Variants in BSN observed in about 807,000 individuals in gnomAD.
The protein encoded by BSN is bassoon presynaptic cytomatrix protein.
BSN carries 57 observed loss-of-function variants against 264.8 expected under a neutral mutation model. That is an observed-to-expected ratio of 0.22 (90% CI 0.17 to 0.27). The LOEUF (loss-of-function observed/expected upper bound fraction) is 0.27. Among genes scored for constraint, BSN ranks in the 10% least tolerant of loss-of-function variants. The pLI, the probability that BSN is intolerant of heterozygous loss-of-function variation, is 1.00. For synonymous variants in BSN, 2,059 were observed against 2,137.3 expected (o/e 0.96, Z 1.01); for missense variants, 4,615 against 5,232.5 (o/e 0.88, Z 3.64).
At chr3:49,601,366 T>G (rs1014844785) in intron 1 of BSN, among the ~76,000 whole-genome samples, 1 of 152,230 alleles carries the variant, frequency 6.6e-6, no homozygotes. Context: ...AAGGAGGTTC[T>G]TGTACTTCTG....
chr3:49,617,283 T>TTATATATATATATATATATATTTATA (rs2052267179), intron 1 of BSN, among the ~76,000 whole-genome samples: 13 of 122,058 alleles, frequency 1.1e-4, no homozygotes, highest in Admixed American at 3.9e-4. Context: ...ATAAAATACA[T>TTATATATATATATATATATATTTATA]TATATATATA....
chr3:49,580,512 G>T (rs1435236010), intron 1 of BSN, among the ~76,000 whole-genome samples: 1 of 151,868 alleles, frequency 6.6e-6, no homozygotes, highest in Non-Finnish European at 1.5e-5. Context: ...ACGCACTGCA[G>T]CCTCAGCCTC....
intron 2 of BSN, among the ~76,000 whole-genome samples, chr3:49,626,107 G>A (rs770994192): frequency 1.3e-5 from 2 of 152,228 alleles, no homozygotes; most frequent in Non-Finnish European, 2.9e-5. Flanking sequence ...TGGGTCCACA[G>A]CCCCAGCCTG....
chr3:49,581,639 C>T (rs1020439590), intron 1 of BSN, among the ~76,000 whole-genome samples: 6 of 152,004 alleles, frequency 3.9e-5, no homozygotes, highest in African/African-American at 1.5e-4. Flanking sequence ...TCCTGGCCAA[C>T]ATGGTGAAAC....
At chr3:49,605,658 TATAA>T (rs2052124512) in intron 1 of BSN, among the ~76,000 whole-genome samples, 1 of 45,496 alleles carries the variant, frequency 2.2e-5, no homozygotes, top group Non-Finnish European at 3.7e-5. Context: ...ATATATTATA[TATAA>T]TATATATTAC....
At chr3:49,605,740 AAT>A (rs369849874) in intron 1 of BSN, among the ~76,000 whole-genome samples, 2 of 68,254 alleles carry the variant, frequency 2.9e-5, no homozygotes, top group South Asian at 5.4e-4. Context: ...ATAATATATA[AAT>A]ATATATAATA....
chr3:49,657,405 G>A lies in BSN; in HGVS notation c.7849G>A (p.Glu2617Lys), dbSNP rs375612033. 3.7e-6 allele frequency: 6 copies of A among 1,613,104 alleles called. No homozygotes were observed. Among genetic ancestry groups the A allele is most frequent in the Non-Finnish European group, 5.1e-6 (6 of 1,180,032 alleles). Residue 2617 changes from glutamate to lysine, a missense_variant, in exon 5 of 12, where the codon GAA becomes AAA. Coordinates refer to ENST00000296452, the MANE Select transcript of BSN (RefSeq NM_003458.4). ...TGACTGCAGTGTGCAGACGGACGACGAAGACAGTGCTGAGTGGGAGCAGCC... is the reference window on the plus strand; with the variant it reads ...TGACTGCAGTGTGCAGACGGACGACAAAGACAGTGCTGAGTGGGAGCAGCC... ...SADCSVQTDD[E>K]DSAEWEQPVR... is the part of the protein sequence containing the mutation.
At position 49,655,530 on chromosome 3, in the gene BSN, G is replaced by T. The variant is rs1327579916; in HGVS notation, c.5974G>T (p.Ala1992Ser). ...SSMSDTNLAE[A>S]GLNYHAQRIG... is the part of the protein sequence containing the mutation. ...CATGTCTGACACCAATTTGGCTGAG[G>T]CTGGCCTCAACTACCATGCCCAGAG... The change falls in exon 5 of 12, where the codon GCT (alanine) becomes TCT (serine). Residue 1992 changes from alanine to serine, a missense_variant. Coordinates refer to ENST00000296452, the MANE Select transcript of BSN (RefSeq NM_003458.4). 6.2e-7 allele frequency: 1 copy of T among 1,611,758 alleles called. No individual in the cohort carries two copies. Among genetic ancestry groups the T allele is most frequent in the Admixed American group, 1.7e-5 (1 of 59,986 alleles).
rs887784612 is a variant in BSN, at chr3:49,655,731, C to A, written c.6175C>A (p.Arg2059=). Residue 2059 remains arginine (R), a synonymous_variant, in exon 5 of 12, where the codon CGG becomes AGG. Coordinates refer to ENST00000296452, the MANE Select transcript of BSN (RefSeq NM_003458.4). ...CCTTTTGGCTCACCCGCTTCCCATG[C>A]GGCGCTATAGCTCAGTGTCGAACAT... ...TDLLAHPLPM[R]RYSSVSNIYS... is the part of the protein sequence containing the mutation. The A allele has an allele frequency of 1.3e-5, 21 of 1,613,356 alleles. No individual in the cohort carries two copies. The highest frequency in any genetic ancestry group is 1.7e-5 in the Non-Finnish European group (20 of 1,180,044).
chr3:49,597,438 C>T (rs77430720), intron 1 of BSN, among the ~76,000 whole-genome samples: 1 of 152,088 alleles, frequency 6.6e-6, no homozygotes, highest in African/African-American at 2.4e-5. Context: ...CTTCATCAGC[C>T]CCCTCTCCCC....
intron 1 of BSN, among the ~76,000 whole-genome samples, chr3:49,591,481 G>A (rs1372284009): frequency 2.0e-5 from 3 of 152,030 alleles, no homozygotes; most frequent in Non-Finnish European, 4.4e-5. Context: ...AAATAACTTT[G>A]TTATTTCTTG....
downstream of BSN, among the ~76,000 whole-genome samples, chr3:49,672,493 T>TG: frequency 6.6e-6 from 1 of 152,022 alleles, no homozygotes; most frequent in Non-Finnish European, 1.5e-5. Flanking sequence ...TTTTTTTTTT[T>TG]TCTTGAGACG....
At position 49,585,447 on chromosome 3, in the gene BSN, A is replaced by T. The variant is rs1484078253; in HGVS notation, c.224+30621A>T. Among the ~76,000 whole-genome samples the T allele has an allele frequency of 6.6e-6, 1 of 152,168 alleles. No homozygotes were observed. The highest frequency in any genetic ancestry group is 1.5e-5 in the Non-Finnish European group (1 of 68,022). On this transcript the variant is annotated intron_variant, in intron 1 of 11. Transcript: ENST00000296452. The surrounding 1 kb of genome is among the most constrained non-coding windows in gnomAD (Gnocchi z 4.7). The stretch of plus-strand genomic sequence containing the variant: ...CCTTCCCAGGCCGCAGCGGACAGAC[A>T]GGGATTGGGTTTCGTGTGCCTGCCA...
At chr3:49,622,262 A>G (rs2052312437) in intron 1 of BSN, among the ~76,000 whole-genome samples, 1 of 152,124 alleles carries the variant, frequency 6.6e-6, no homozygotes, top group East Asian at 1.9e-4. Flanking sequence ...TTGAAGATCA[A>G]GGAGAGGATA....
intron 1 of BSN, among the ~76,000 whole-genome samples, chr3:49,607,561 C>T (rs527239695): frequency 7.2e-5 from 11 of 152,228 alleles, no homozygotes; most frequent in African/African-American, 1.9e-4. Flanking sequence ...TGCACACTCA[C>T]GTGTGAGCAC....
rs1203068281 is a variant in BSN at position 49,667,622 on chromosome 3, A to T, written c.*137A>T. ...AATCTGGCAAACCCTTGGCCCAAAG[A>T]CTCACCAGGTGGGACGTGGCAGGCA... is the stretch of plus-strand genomic sequence containing the variant. On this transcript the variant is annotated 3_prime_UTR_variant, in exon 12 of 12. Transcript: ENST00000296452. The T allele has an allele frequency of 3.9e-5, 6 of 152,540 alleles. No individual in the cohort carries two copies. The highest frequency in any genetic ancestry group is 7.4e-5 in the Non-Finnish European group (5 of 68,020). The allele number at this position is 152,540 out of a possible 1,614,324, so 9.4% of individuals were successfully genotyped here.
In BSN at chr3:49,655,239, G is replaced by C. The variant is rs768881400; in HGVS notation, c.5683G>C (p.Glu1895Gln). The C allele has an allele frequency of 6.2e-7, 1 of 1,613,136 alleles. No homozygotes were observed. The highest frequency in any genetic ancestry group is 1.1e-5 in the South Asian group (1 of 91,092). Residue 1895 changes from glutamate (E) to glutamine (Q), a missense_variant, in exon 5 of 12, where the codon GAG (glutamate) becomes CAG (glutamine). By Grantham distance (29) the Glu-to-Gln change is conservative. Coordinates refer to ENST00000296452, the MANE Select transcript of BSN (RefSeq NM_003458.4). Reference protein sequence around the residue: ...GALDLTGMRPESQLACCDMVY... With the variant: ...GALDLTGMRPQSQLACCDMVY... ...CCTGGACCTTACCGGGATGAGGCCT[G>C]AGAGCCAGCTGGCATGCTGTGACAT... is the stretch of plus-strand genomic sequence containing the variant.
At chr3:49,596,457 G>A (rs2052023602) in intron 1 of BSN, among the ~76,000 whole-genome samples, 2 of 152,164 alleles carry the variant, frequency 1.3e-5, no homozygotes, top group Non-Finnish European at 2.9e-5. Flanking sequence ...TGCTCTTTAT[G>A]AAGTTGCAAT....
Position 49,652,570 on chromosome 3 carries a change from A to G in BSN, c.3014A>G (p.Asp1005Gly). ...ACCTCTCTGTCCTCCCTAGAGGAGG[A>G]CAGTGACAGCAGCCCCAGCCGCAGG... The part of the protein sequence containing the change: ...SPTSLSSLEE[D>G]SDSSPSRRQR... Residue 1005 changes from aspartate to glycine, a missense_variant, in exon 5 of 12, where the codon GAC (aspartate) becomes GGC (glycine). By Grantham distance (94) the Asp-to-Gly change is moderately conservative. Around this residue, in one of 3 missense-constraint regions of BSN, gnomAD observed 1,197 missense variants for 1,348.0 expected, o/e 0.89. Transcript: ENST00000296452. 6.2e-7 allele frequency: 1 copy of G among 1,613,372 alleles called. No homozygotes were observed. The highest frequency in any genetic ancestry group is 8.5e-7 in the Non-Finnish European group (1 of 1,179,894).
Sources: gnomAD v4.1 joint callset for allele counts (sites outside exome capture counted in the v4.1 genomes callset) on GRCh38, gnomAD v4.1.1 for gene constraint, gnomAD v4.1.1 regional missense constraint, Gnocchi (gnomAD v3.1) non-coding constraint, MANE v1.5 for transcripts, NCBI Gene and HGNC (gene_info 2026-07-23, HGNC 2026-07-21) for gene names.